The following FBXL13 variants were observed in gnomAD, a reference collection of about 807,000 sequenced individuals.
FBXL13 encodes F-box and leucine rich repeat protein 13.
A neutral mutation model predicts 83.6 loss-of-function variants in FBXL13; 67 were observed. That is an observed-to-expected ratio of 0.80 (90% CI 0.66 to 0.98). The LOEUF is 0.98. Ranked by LOEUF, FBXL13 falls within the 50% of genes least tolerant of loss-of-function variation. The pLI is 0.00. For synonymous variants in FBXL13, 272 were observed against 299.5 expected, an observed-to-expected ratio of 0.91 and a Z score of 0.95; for missense variants, 822 against 866.5, an observed-to-expected ratio of 0.95 and a Z score of 0.64.
chr7:102,952,163 A>C (rs776932370), intron 8 of FBXL13, among the ~76,000 whole-genome samples: 1 of 152,186 alleles, frequency 6.6e-6, no homozygotes, highest in Non-Finnish European at 1.5e-5. Context: ...GATGGAAAGA[A>C]AGTAGAATGG....
At chr7:103,014,188 T>C (rs1358694294) in intron 6 of FBXL13, among the ~76,000 whole-genome samples, 2 of 152,132 alleles carry the variant, frequency 1.3e-5, no homozygotes, top group Non-Finnish European at 2.9e-5. Context: ...GGCCTTTCTA[T>C]ACCAGAAAAA....
At chr7:102,888,146 T>G (rs770842588) in intron 11 of FBXL13, among the ~76,000 whole-genome samples, 5 of 152,248 alleles carry the variant, frequency 3.3e-5, no homozygotes, top group Non-Finnish European at 7.3e-5. Flanking sequence ...TTTTTGAATT[T>G]CCTACTGTGT....
intron 11 of FBXL13, among the ~76,000 whole-genome samples, chr7:102,900,319 C>A (rs1405282690): frequency 6.6e-6 from 1 of 152,146 alleles, no homozygotes; most frequent in Non-Finnish European, 1.5e-5. Context: ...CATCGCAGTG[C>A]CCAGTATGCA....
chr7:102,920,373 T>G (rs1347653464), intron 10 of FBXL13, among the ~76,000 whole-genome samples: 1 of 139,264 alleles, frequency 7.2e-6, no homozygotes, highest in Non-Finnish European at 1.5e-5. Flanking sequence ...ATACACTCAG[T>G]TTTTTTTTTC....
chr7:102,833,054 T>C (rs2129447608), intron 17 of FBXL13, 80 bp from the exon 19 acceptor site: 1 of 1,454,924 alleles, frequency 6.9e-7, no homozygotes, highest in Non-Finnish European at 9.4e-7. Context: ...TTATTAAATG[T>C]ACATTTCAGT....
intron 18 of FBXL13, among the ~76,000 whole-genome samples, chr7:102,828,176 T>G (rs1800066879): frequency 6.6e-6 from 1 of 152,176 alleles, no homozygotes; most frequent in African/African-American, 2.4e-5. Context: ...CCTTGGGCAG[T>G]ATGGCCATTT....
chr7:102,823,852 G>A (rs1799168344), intron 18 of FBXL13, among the ~76,000 whole-genome samples: 1 of 152,122 alleles, frequency 6.6e-6, no homozygotes. Context: ...TCCGGAACAC[G>A]CTCAGGACCA....
intron 17 of FBXL13, among the ~76,000 whole-genome samples, chr7:102,836,384 G>A (rs1584526454): frequency 6.6e-6 from 1 of 152,230 alleles, no homozygotes; most frequent in African/African-American, 2.4e-5. Context: ...GTCATATTAA[G>A]TACTTAAATC....
chr7:102,964,404 A>ATATAT lies in FBXL13; in HGVS notation c.592-740_592-739insATATA, dbSNP rs796873670. 4.2e-3 allele frequency among the ~76,000 whole-genome samples: 607 copies of ATATAT among 143,280 alleles called. 4 individuals are homozygous for ATATAT. The highest frequency in any genetic ancestry group is 0.015 in the African/African-American group (581 of 37,832). 94.0% of individuals were successfully genotyped at this position (143,280 alleles called of 152,430 possible). ...CAATTTTGTGACTATATATATATATATTTTTTTTTTTTTTTCCAGACTGAG... is the reference window on the plus strand; with the variant it reads ...CAATTTTGTGACTATATATATATATATATATTTTTTTTTTTTTTTTCCAGACTGAG... On this transcript the variant is annotated intron_variant, in intron 7 of 19. Transcript: ENST00000313221.
chr7:102,867,383 A>C (rs1251003167), intron 16 of FBXL13, among the ~76,000 whole-genome samples: 2 of 152,008 alleles, frequency 1.3e-5, no homozygotes, highest in African/African-American at 2.4e-5. Flanking sequence ...AAACAAACAA[A>C]AAAAAAGAAG....
intron 19 of FBXL13, among the ~76,000 whole-genome samples, chr7:102,820,078 C>A (rs894831466): frequency 6.6e-6 from 1 of 152,322 alleles, no homozygotes; most frequent in Admixed American, 6.5e-5. Flanking sequence ...AGTCCAAACA[C>A]TGGGACTCTC....
intron 2 of FBXL13, chr7:103,031,246 T>A (rs1794482076): frequency 6.6e-6 from 1 of 152,228 alleles, no homozygotes; most frequent in Admixed American, 6.5e-5. Context: ...ACTTCCTCCA[T>A]TTATGTTTCC....
chr7:102,914,997 C>T (rs1482952779), intron 10 of FBXL13, among the ~76,000 whole-genome samples: 1 of 152,094 alleles, frequency 6.6e-6, no homozygotes, highest in East Asian at 1.9e-4. Flanking sequence ...CCGCGTGACA[C>T]AGTGCAAAAT....
intron 2 of FBXL13, among the ~76,000 whole-genome samples, chr7:103,035,811 A>G (rs1385977860): frequency 6.6e-6 from 1 of 152,240 alleles, no homozygotes; most frequent in Non-Finnish European, 1.5e-5. Context: ...CTGTGAATCA[A>G]AAGATTATAT....
chr7:102,868,540 C>T (rs1172538479), intron 16 of FBXL13, among the ~76,000 whole-genome samples: 1 of 152,224 alleles, frequency 6.6e-6, no homozygotes, highest in Non-Finnish European at 1.5e-5. Flanking sequence ...ATATATATCA[C>T]ATTTTTAAAT....
chr7:102,931,513 C>T (rs73408250), intron 9 of FBXL13, among the ~76,000 whole-genome samples: 29,149 of 152,148 alleles, frequency 0.19, 2,996 homozygotes, highest in East Asian at 0.43. Context: ...ACTAGGGAAA[C>T]ATATTCATTT....
At chr7:102,912,164 G>A (rs1814808253) in intron 11 of FBXL13, among the ~76,000 whole-genome samples, 1 of 149,182 alleles carries the variant, frequency 6.7e-6, no homozygotes, top group East Asian at 1.9e-4. Context: ...ACCACCCTGA[G>A]CCTTGGTCTC....
exon 20 of FBXL13, chr7:102,813,525 T>C: frequency 6.2e-7 from 1 of 1,613,834 alleles, no homozygotes; most frequent in Non-Finnish European, 8.5e-7. Flanking sequence ...TTCTTTGAGC[T>C]GCCTTCCTGT....
chr7:103,028,833 GA>G, intron 3 of FBXL13, 85 bp from the exon 5 acceptor site: 1 of 1,161,728 alleles, frequency 8.6e-7, no homozygotes, highest in South Asian at 2.5e-5. Flanking sequence ...AACAAAGAAT[GA>G]TATCTCCTTT....
Sources: gnomAD v4.1 joint callset for allele counts (sites outside exome capture counted in the v4.1 genomes callset) on GRCh38, gnomAD v4.1.1 for gene constraint, MANE v1.5 for transcripts, NCBI Gene and HGNC (gene_info 2026-07-23, HGNC 2026-07-21) for gene names.